The following ROBO2 variants were observed in gnomAD, a reference collection of about 807,000 sequenced individuals.
ROBO2 encodes the protein roundabout homolog 2.
Under a neutral mutation model 160.8 loss-of-function variants are expected in ROBO2, and 53 were observed. The observed-to-expected ratio is 0.33, with a 90% CI of 0.26 to 0.41. The LOEUF (loss-of-function observed/expected upper bound fraction) is 0.41. ROBO2 is among the 10% of genes least tolerant of loss of function. The probability of loss-of-function intolerance (pLI) is 1.00; values close to 1 mark genes in which losing one functional copy is unlikely to be tolerated. For synonymous variants in ROBO2, 664 were observed against 611.7 expected, an observed-to-expected ratio of 1.09 and a Z score of -1.26; for missense variants, 1,577 against 1,722.4, an observed-to-expected ratio of 0.92 and a Z score of 1.49.
chr3:76,903,012 T>C (rs2075337912), intron 2 of ROBO2, among the ~76,000 whole-genome samples: 1 of 152,026 alleles, frequency 6.6e-6, no homozygotes, highest in Admixed American at 6.6e-5. Flanking sequence ...AGATTTTCAC[T>C]ATTCTTGTTT....
intron 2 of ROBO2, among the ~76,000 whole-genome samples, chr3:76,682,275 G>A (rs2092583118): frequency 6.6e-6 from 1 of 152,114 alleles, no homozygotes; most frequent in Non-Finnish European, 1.5e-5. Context: ...CTTCATCTAT[G>A]CAACGAATGT....
At chr3:76,978,700 G>A (rs2059930642) in intron 2 of ROBO2, among the ~76,000 whole-genome samples, 1 of 151,932 alleles carries the variant, frequency 6.6e-6, no homozygotes, top group African/African-American at 2.4e-5. Context: ...ACTCAGTTTC[G>A]AGAAGAGAAA....
chr3:77,081,824 A>T (rs2149934483), intron 1 of ROBO2, among the ~76,000 whole-genome samples: 1 of 152,262 alleles, frequency 6.6e-6, no homozygotes, highest in Admixed American at 6.5e-5. Context: ...CTGACCTGGA[A>T]TTCTCCTGCA....
chr3:76,402,514 G>T (rs552173201), intron 2 of ROBO2, among the ~76,000 whole-genome samples: 1 of 151,534 alleles, frequency 6.6e-6, no homozygotes, highest in Non-Finnish European at 1.5e-5. Flanking sequence ...TTATCTCATA[G>T]TTCTGCAGGT....
chr3:76,659,652 A>G (rs1327324521), intron 2 of ROBO2, among the ~76,000 whole-genome samples: 1 of 152,204 alleles, frequency 6.6e-6, no homozygotes, highest in African/African-American at 2.4e-5. Flanking sequence ...CTTAGATGTT[A>G]AAATGCAAGT....
At chr3:77,306,482 CA>C (rs1229627185) in intron 2 of ROBO2, among the ~76,000 whole-genome samples, 1 of 152,020 alleles carries the variant, frequency 6.6e-6, no homozygotes, top group Non-Finnish European at 1.5e-5. Flanking sequence ...TAAAATGAAA[CA>C]AAAGTGTTTC....
At chr3:77,591,174 G>A (rs780633405) in intron 17 of ROBO2, among the ~76,000 whole-genome samples, 1 of 152,006 alleles carries the variant, frequency 6.6e-6, no homozygotes, top group Non-Finnish European at 1.5e-5. Context: ...AACCATCCAA[G>A]GCACTTAAAA....
chr3:76,500,305 G>A (rs2080390065), intron 2 of ROBO2, among the ~76,000 whole-genome samples: 1 of 152,158 alleles, frequency 6.6e-6, no homozygotes, highest in South Asian at 2.1e-4. Context: ...TTTTTGTAGA[G>A]ACAGGGTTTC....
intron 2 of ROBO2, among the ~76,000 whole-genome samples, chr3:76,147,124 TA>T (rs1055034206): frequency 4.0e-5 from 6 of 149,942 alleles, no homozygotes; most frequent in African/African-American, 1.5e-4. Flanking sequence ...AAAGAAAAGT[TA>T]AAAAAAGGAA....
At chr3:77,570,022 T>TA (rs752921918) in intron 13 of ROBO2, among the ~76,000 whole-genome samples, 47 of 152,022 alleles carry the variant, frequency 3.1e-4, no homozygotes, top group Non-Finnish European at 1.6e-4. Flanking sequence ...AGTGGCACAG[T>TA]AGGGGGTATT....
At chr3:76,958,801 A>AAAACT (rs2079457031) in intron 2 of ROBO2, among the ~76,000 whole-genome samples, 1 of 152,248 alleles carries the variant, frequency 6.6e-6, no homozygotes, top group Admixed American at 6.5e-5. Context: ...AAAACAAAAC[A>AAAACT]AAAACATCCT....
At chr3:76,407,077 T>A (rs1415213995) in intron 2 of ROBO2, among the ~76,000 whole-genome samples, 1 of 151,702 alleles carries the variant, frequency 6.6e-6, no homozygotes, top group East Asian at 1.9e-4. Context: ...TTTCTTTTTT[T>A]AGACACACCA....
chr3:77,334,824 G>A (rs2066324374), intron 2 of ROBO2, among the ~76,000 whole-genome samples: 1 of 152,030 alleles, frequency 6.6e-6, no homozygotes, highest in Non-Finnish European at 1.5e-5. Flanking sequence ...TTTACTTGTG[G>A]ACCTGAAAAC....
chr3:77,243,249 G>T (rs1381215031), intron 2 of ROBO2, among the ~76,000 whole-genome samples: 1 of 152,058 alleles, frequency 6.6e-6, no homozygotes, highest in Non-Finnish European at 1.5e-5. Flanking sequence ...TGCTTCTTGT[G>T]TAAGAATCAT....
At chr3:77,471,937 G>A (rs2083393763) in intron 2 of ROBO2, among the ~76,000 whole-genome samples, 1 of 152,120 alleles carries the variant, frequency 6.6e-6, no homozygotes, top group Non-Finnish European at 1.5e-5. Context: ...ATTTCCCCTG[G>A]TTAATGAGAT....
At chr3:76,080,827 T>C (rs2068802117) in intron 2 of ROBO2, among the ~76,000 whole-genome samples, 1 of 152,238 alleles carries the variant, frequency 6.6e-6, no homozygotes, top group Non-Finnish European at 1.5e-5. Flanking sequence ...ATCATCTTTT[T>C]CTTTGCGGTA....
At chr3:76,192,102 C>G (rs2107184200) in intron 2 of ROBO2, among the ~76,000 whole-genome samples, 1 of 152,038 alleles carries the variant, frequency 6.6e-6, no homozygotes, top group African/African-American at 2.4e-5. Context: ...CCTTAGTTAC[C>G]TGACCTTCGA....
At chr3:77,566,285 T>G (rs2093478153) in intron 12 of ROBO2, among the ~76,000 whole-genome samples, 1 of 152,012 alleles carries the variant, frequency 6.6e-6, no homozygotes. Context: ...CTCTAAGCAG[T>G]AATGTGATTA....
chr3:76,096,855 A>G (rs1170815221), intron 2 of ROBO2, among the ~76,000 whole-genome samples: 1 of 152,198 alleles, frequency 6.6e-6, no homozygotes, highest in Non-Finnish European at 1.5e-5. Context: ...CATGAACAAA[A>G]CAGACACATA....
Sources: allele counts gnomAD v4.1 joint callset (sites outside exome capture counted in the v4.1 genomes callset), GRCh38; gene constraint gnomAD v4.1.1; transcripts MANE v1.5; gene names NCBI Gene and HGNC (gene_info 2026-07-23, HGNC 2026-07-21).